Variants in SRPK2 observed in about 807,000 individuals in gnomAD.
SRPK2 encodes the protein SFRS protein kinase 2.
SRPK2 carries 21 observed loss-of-function variants against 90.8 expected under a neutral mutation model. That is an observed-to-expected ratio of 0.23 (90% CI 0.16 to 0.33). The LOEUF is 0.33. Among genes scored for constraint, SRPK2 ranks in the 10% least tolerant of loss-of-function variants. The probability of loss-of-function intolerance (pLI) is 1.00; values close to 1 mark genes in which losing one functional copy is unlikely to be tolerated. For missense variants in SRPK2, 620 were observed against 869.0 expected, an observed-to-expected ratio of 0.71 and a Z score of 3.60; for synonymous variants, 288 against 311.1, an observed-to-expected ratio of 0.93 and a Z score of 0.78.
intron 3 of SRPK2, among the ~76,000 whole-genome samples, chr7:105,173,084 A>C (rs1372894804): frequency 5.3e-5 from 8 of 152,054 alleles, no homozygotes; most frequent in African/African-American, 1.9e-4. Flanking sequence ...TAAAAATATT[A>C]TCTCTATAAA....
intron 2 of SRPK2, among the ~76,000 whole-genome samples, chr7:105,232,810 C>T (rs1378349793): frequency 6.6e-6 from 1 of 151,944 alleles, no homozygotes; most frequent in African/African-American, 2.4e-5. Flanking sequence ...GTCAAGAGAT[C>T]GAGACCATCC....
Position 105,297,472 on chromosome 7 carries a change from G to A in SRPK2, c.71+91176C>T, listed in dbSNP as rs1032898628. On this transcript the variant is annotated intron_variant, in intron 2 of 15. Transcript: ENST00000393651. ...AAACACATTGGCTTTCCCTGATATG[G>A]TGGCCATCTGGCCCCTCAGATGTAT... 3.0e-6 allele frequency: 3 copies of A among 985,186 alleles called. No homozygotes were observed. In the African/African-American group the frequency reaches 5.2e-5, roughly 17 times the overall value. 61.0% of individuals were successfully genotyped at this position (985,186 alleles called of 1,614,324 possible). A position where few individuals can be genotyped will look rare whatever the true frequency, so the allele number is the denominator to read the frequency against.
intron 2 of SRPK2, among the ~76,000 whole-genome samples, chr7:105,266,646 AT>A (rs554807600): frequency 6.8e-4 from 102 of 150,150 alleles, no homozygotes; most frequent in South Asian, 3.6e-3. Context: ...CCATTAACTT[AT>A]TTTTTTTTTA....
At chr7:105,157,862 C>T (rs970631789) in intron 7 of SRPK2, among the ~76,000 whole-genome samples, 25 of 152,040 alleles carry the variant, frequency 1.6e-4, no homozygotes, top group African/African-American at 4.3e-4. Flanking sequence ...GTCCAGGAGA[C>T]AAAGAGACCA....
chr7:105,259,383 G>A (rs1426283683), intron 2 of SRPK2, among the ~76,000 whole-genome samples: 1 of 152,116 alleles, frequency 6.6e-6, no homozygotes, highest in East Asian at 1.9e-4. Context: ...AAATAAAAGA[G>A]GACACCAACA....
At chr7:105,348,421 CTTTCTTTTTTT>C (rs1299367648) in intron 2 of SRPK2, among the ~76,000 whole-genome samples, 1 of 133,988 alleles carries the variant, frequency 7.5e-6, no homozygotes, top group African/African-American at 2.8e-5. Flanking sequence ...GAACTTTTTT[CTTTCTTTTTTT>C]TTTTTTTTTT....
At chr7:105,229,197 C>G (rs1799109883) in intron 2 of SRPK2, among the ~76,000 whole-genome samples, 1 of 152,212 alleles carries the variant, frequency 6.6e-6, no homozygotes, top group African/African-American at 2.4e-5. Flanking sequence ...AGCAAGGTGG[C>G]TCACGCCCGT....
chr7:105,321,536 A>G (rs1239936395), intron 2 of SRPK2, among the ~76,000 whole-genome samples: 1 of 152,196 alleles, frequency 6.6e-6, no homozygotes, highest in African/African-American at 2.4e-5. Context: ...TGAAAAGACA[A>G]CCTGCAGAAT....
At chr7:105,378,456 T>C (rs1032634421) in intron 2 of SRPK2, among the ~76,000 whole-genome samples, 19 of 152,058 alleles carry the variant, frequency 1.2e-4, no homozygotes, top group African/African-American at 4.1e-4. Flanking sequence ...GAAACTCAAA[T>C]GACCAAGAAA....
chr7:105,116,725 C>T lies in SRPK2; in HGVS notation c.*1113G>A, dbSNP rs546369108. On this transcript the variant is annotated 3_prime_UTR_variant, in exon 16 of 16. Coordinates refer to ENST00000393651, the MANE Select transcript of SRPK2 (RefSeq NM_182692.3). Reference sequence around the variant, plus strand: ...TGCAAAGGGAAAATCATTTTCTCAACTTCGTTTCATGGAAAGACAATGAAA... The same window carrying T: ...TGCAAAGGGAAAATCATTTTCTCAATTTCGTTTCATGGAAAGACAATGAAA... 2.0e-5 allele frequency: 3 copies of T among 152,696 alleles called. No individual in the cohort carries two copies. The highest frequency in any genetic ancestry group is 4.8e-5 in the African/African-American group (2 of 41,574). 9.5% of individuals were successfully genotyped at this position (152,696 alleles called of 1,614,324 possible).
At position 105,141,793 on chromosome 7, in the gene SRPK2, G is replaced by C. The variant is rs114844514; in HGVS notation, c.1543+215C>G. Among the ~76,000 whole-genome samples the C allele has an allele frequency of 8.4e-3, 1,279 of 152,294 alleles. 16 individuals are homozygous for C. The highest frequency in any genetic ancestry group is 0.029 in the African/African-American group (1,224 of 41,566). Reference sequence around the variant, plus strand: ...ATATATTAAAAATGAAAACTGGTCAGAAATAAGATTTGGTATGCAGAGAGC... The same window carrying C: ...ATATATTAAAAATGAAAACTGGTCACAAATAAGATTTGGTATGCAGAGAGC... On this transcript the variant is annotated intron_variant, in intron 11 of 15. Transcript: ENST00000393651.
rs1035731292 is a variant in SRPK2, at chr7:105,117,271, G to C, written c.*567C>G. The C allele has an allele frequency of 6.5e-6, 1 of 153,112 alleles. No homozygotes were observed. The highest frequency in any genetic ancestry group is 2.4e-5 in the African/African-American group (1 of 41,406). The allele number at this position is 153,112 out of a possible 1,614,324, so 9.5% of individuals were successfully genotyped here. A position where few individuals can be genotyped will look rare whatever the true frequency, so the allele number is the denominator to read the frequency against. On this transcript the variant is annotated 3_prime_UTR_variant, in exon 16 of 16. Transcript: ENST00000393651. ...GTTAAAGTCCGCTACATGCAACATA[G>C]GCTACAAAGCACTCAAGACTTGGTA...
chr7:105,292,196 CTA>C (rs1809124697), intron 2 of SRPK2, among the ~76,000 whole-genome samples: 1 of 152,078 alleles, frequency 6.6e-6, no homozygotes, highest in Non-Finnish European at 1.5e-5. Flanking sequence ...CTAAATTGAA[CTA>C]TTCATGTCTG....
chr7:105,137,237 A>C (rs1159462574), intron 11 of SRPK2, among the ~76,000 whole-genome samples: 1 of 152,194 alleles, frequency 6.6e-6, no homozygotes, highest in Non-Finnish European at 1.5e-5. Flanking sequence ...TGAATTAGGG[A>C]AACAGAGAAT....
At chr7:105,279,959 A>G (rs1807041387) in intron 2 of SRPK2, among the ~76,000 whole-genome samples, 1 of 152,220 alleles carries the variant, frequency 6.6e-6, no homozygotes, top group African/African-American at 2.4e-5. Context: ...TAATATATGA[A>G]TATCATTTAT....
chr7:105,282,410 G>A (rs1418076978), intron 2 of SRPK2, among the ~76,000 whole-genome samples: 1 of 152,150 alleles, frequency 6.6e-6, no homozygotes, highest in East Asian at 1.9e-4. Context: ...CTTAGAAGAG[G>A]CTACAGTTTC....
At chr7:105,324,490 T>G (rs1292583810) in intron 2 of SRPK2, among the ~76,000 whole-genome samples, 1 of 152,218 alleles carries the variant, frequency 6.6e-6, no homozygotes, top group Admixed American at 6.5e-5. Context: ...CAGGCCAGAC[T>G]ATTCTTAACA....
chr7:105,158,558 C>T (rs1806912969), intron 7 of SRPK2, among the ~76,000 whole-genome samples: 1 of 152,142 alleles, frequency 6.6e-6, no homozygotes, highest in Non-Finnish European at 1.5e-5. Context: ...TGGCCAAATT[C>T]ACCTTCTTAC....
At chr7:105,135,827 C>T (rs556565082) in intron 11 of SRPK2, among the ~76,000 whole-genome samples, 8 of 150,832 alleles carry the variant, frequency 5.3e-5, no homozygotes, top group Non-Finnish European at 8.9e-5. Flanking sequence ...TGCAGTGGCG[C>T]GATCTCGGCT....
Sources: gnomAD v4.1 joint callset for allele counts (sites outside exome capture counted in the v4.1 genomes callset) on GRCh38, gnomAD v4.1.1 for gene constraint, MANE v1.5 for transcripts, NCBI Gene and HGNC (gene_info 2026-07-23, HGNC 2026-07-21) for gene names.